Variants in ZNF324B observed in about 807,000 individuals in gnomAD.
ZNF324B encodes zinc finger protein 324B.
A neutral mutation model predicts 10.6 loss-of-function variants in ZNF324B; 7 were observed. The observed-to-expected ratio is 0.66, with a 90% CI of 0.38 to 1.24. ZNF324B has a LOEUF of 1.24. Ranked by LOEUF, ZNF324B falls within the 50% of genes most tolerant of loss-of-function variation. The pLI is 0.02. For missense variants in ZNF324B, 640 were observed against 764.7 expected (o/e 0.84, Z 1.92); for synonymous variants, 316 against 321.0 (o/e 0.98, Z 0.17).
rs1372094376 is a variant in ZNF324B at position 58,456,439 on chromosome 19, C to G, written c.1495C>G (p.His499Asp). ...CCGTGAGCGCCCTGCCCTCTTGCAC[C>G]ACCAGAGGATCCACACCACAGAGAA... ...AFRERPALLHHQRIHTTEKTN... is the reference protein window; with the variant it reads ...AFRERPALLHDQRIHTTEKTN... Residue 499 changes from histidine to aspartate, a missense_variant, in exon 4 of 4, where the codon CAC becomes GAC. Transcript: ENST00000336614. This position sits in a 1 kb window ranked among gnomAD's most constrained non-coding sequence, Gnocchi z 4.7. 6.2e-7 allele frequency: 1 copy of G among 1,613,090 alleles called. No homozygotes were observed. Among genetic ancestry groups the G allele is most frequent in the South Asian group, 1.1e-5 (1 of 91,018 alleles).
At chr19:58,454,183 G>A in intron 2 of ZNF324B, 45 bp from the exon 3 acceptor site, 2 of 1,304,506 alleles carry the variant, frequency 1.5e-6, no homozygotes, top group Non-Finnish European at 2.2e-6. Context: ...TGGGAGGTGG[G>A]TTGTCTTGAC....
At chr19:58,447,360 G>A (rs1489673654), upstream of ZNF324B, among the ~76,000 whole-genome samples, 1 of 152,238 alleles carries the variant, frequency 6.6e-6, no homozygotes, top group African/African-American at 2.4e-5. Flanking sequence ...TGCTAATCCT[G>A]TGCAGGGTAG....
the ZNF324B span, among the ~76,000 whole-genome samples, chr19:58,427,212 C>T: frequency 6.6e-6 from 1 of 151,302 alleles, no homozygotes; most frequent in Non-Finnish European, 1.5e-5. Context: ...CTCACTGCAA[C>T]CTCTGCCTCC....
the ZNF324B span, among the ~76,000 whole-genome samples, chr19:58,425,375 C>T: frequency 3.2e-4 from 47 of 149,068 alleles, no homozygotes; most frequent in Admixed American, 1.3e-3. Context: ...TGAGCCATCA[C>T]GCCCGACTGA....
the ZNF324B span, chr19:58,433,461 TC>T: frequency 6.4e-7 from 1 of 1,570,798 alleles, no homozygotes; most frequent in African/African-American, 1.5e-5. Context: ...TAAAGGCTTT[TC>T]CACACTGGAT....
chr19:58,427,381 T>TTCCTTC, the ZNF324B span, among the ~76,000 whole-genome samples: 35 of 52,398 alleles, frequency 6.7e-4, no homozygotes, highest in African/African-American at 2.5e-3. Flanking sequence ...TTTCTTTCTT[T>TTCCTTC]CTTTCTTTCT....
chr19:58,451,410 C>T (rs1053000119), upstream of ZNF324B, among the ~76,000 whole-genome samples: 1 of 152,256 alleles, frequency 6.6e-6, no homozygotes, highest in African/African-American at 2.4e-5. Context: ...ACCAGTGCCA[C>T]GGAGCCCTTG....
chr19:58,448,347 G>A (rs1319640758), upstream of ZNF324B, among the ~76,000 whole-genome samples: 1 of 152,240 alleles, frequency 6.6e-6, no homozygotes, highest in African/African-American at 2.4e-5. Context: ...TAAAGGTGAT[G>A]CTTGCTATGT....
the ZNF324B span, chr19:58,419,187 G>A: frequency 7.2e-5 from 11 of 152,180 alleles, no homozygotes; most frequent in Non-Finnish European, 1.5e-4. Flanking sequence ...TAGTTGGTGA[G>A]AGATCTTCTA....
At position 58,455,991 on chromosome 19, in the gene ZNF324B, C is replaced by G; in HGVS notation, c.1047C>G (p.Ala349=). Residue 349 remains alanine, a synonymous_variant, in exon 4 of 4, where the codon GCC becomes GCG. Transcript: ENST00000336614. This position sits in a 1 kb window ranked among gnomAD's most constrained non-coding sequence, Gnocchi z 7.0. ...TCCGCTGCTCCGAGTGCGGCAAGGC[C>G]TTCAGCCACGGCTCCAACCTCAGCC... ...KSFRCSECGK[A]FSHGSNLSQH... The G allele has an allele frequency of 6.3e-7, 1 of 1,594,390 alleles. No individual in the cohort carries two copies. The highest frequency in any genetic ancestry group is 8.6e-7 in the Non-Finnish European group (1 of 1,168,360).
chr19:58,450,929 CA>C (rs1313971134), upstream of ZNF324B, among the ~76,000 whole-genome samples: 1 of 152,160 alleles, frequency 6.6e-6, no homozygotes, highest in Non-Finnish European at 1.5e-5. Flanking sequence ...ATGTGTGGGG[CA>C]AAGCAAGAAC....
At chr19:58,425,370 C>A in the ZNF324B span, among the ~76,000 whole-genome samples, 1 of 152,128 alleles carries the variant, frequency 6.6e-6, no homozygotes, top group Non-Finnish European at 1.5e-5. Flanking sequence ...AGGCGTGAGC[C>A]ATCACGCCCG....
At chr19:58,419,882 G>A in the ZNF324B span, among the ~76,000 whole-genome samples, 11 of 152,114 alleles carry the variant, frequency 7.2e-5, no homozygotes, top group African/African-American at 2.4e-4. Flanking sequence ...GTATGATCAC[G>A]GCTCACTGCA....
At position 58,455,861 on chromosome 19, in the gene ZNF324B, T is replaced by C. The variant is rs1406147061; in HGVS notation, c.917T>C (p.Ile306Thr). Residue 306 changes from isoleucine (I) to threonine (T), a missense_variant, in exon 4 of 4, where the codon ATC becomes ACC. Ile to Thr is a moderately conservative substitution (Grantham distance 89). Coordinates refer to ENST00000336614, the MANE Select transcript of ZNF324B (RefSeq NM_207395.3). The surrounding 1 kb of genome is among the most constrained non-coding windows in gnomAD (Gnocchi z 7.0). ...QTSHLTQHQR[I>T]HSGETPYACP... ...TCGCACTTGACGCAGCACCAGCGCA[T>C]CCACAGCGGCGAGACGCCCTACGCG... The C allele has an allele frequency of 2.5e-6, 4 of 1,612,548 alleles. No individual in the cohort carries two copies. In the South Asian group the frequency reaches 4.4e-5, roughly 18 times the overall value.
the ZNF324B span, among the ~76,000 whole-genome samples, chr19:58,422,475 G>T: frequency 6.6e-6 from 1 of 152,150 alleles, no homozygotes; most frequent in Admixed American, 6.5e-5. Context: ...GTTCCTGTTT[G>T]CAGATGACAT....
chr19:58,419,985 G>GA, the ZNF324B span, among the ~76,000 whole-genome samples: 1 of 152,108 alleles, frequency 6.6e-6, no homozygotes, highest in Non-Finnish European at 1.5e-5. Flanking sequence ...GCTAATTAAA[G>GA]AAAAAATCGT....
At chr19:58,433,290 T>A in the ZNF324B span, 2 of 1,576,258 alleles carry the variant, frequency 1.3e-6, no homozygotes, top group Non-Finnish European at 1.7e-6. Flanking sequence ...GGCTGAAGAT[T>A]TTCTCACAAA....
chr19:58,420,574 T>C, the ZNF324B span, among the ~76,000 whole-genome samples: 4 of 151,972 alleles, frequency 2.6e-5, no homozygotes, highest in African/African-American at 7.2e-5. Flanking sequence ...TTTAAATTTT[T>C]TTTTTTTTTA....
the ZNF324B span, chr19:58,432,321 T>G: frequency 1.9e-6 from 1 of 518,134 alleles, no homozygotes; most frequent in Non-Finnish European, 3.9e-6. Flanking sequence ...GCAAAAACTT[T>G]AACATGGCAA....
Sources: allele counts gnomAD v4.1 joint callset (sites outside exome capture counted in the v4.1 genomes callset), GRCh38; gene constraint gnomAD v4.1.1; non-coding constraint Gnocchi (gnomAD v3.1); transcripts MANE v1.5; gene names NCBI Gene and HGNC (gene_info 2026-07-23, HGNC 2026-07-21).